Variants in ABCA1 observed in about 807,000 individuals in gnomAD.
ABCA1 encodes phospholipid-transporting ATPase ABCA1.
A neutral mutation model predicts 262.5 loss-of-function variants in ABCA1; 133 were observed. The ratio of observed to expected loss-of-function variants is 0.51; its 90% CI spans 0.44 to 0.59. The LOEUF (loss-of-function observed/expected upper bound fraction) is 0.59. Ranked by LOEUF, ABCA1 falls within the 20% of genes least tolerant of loss-of-function variation. The probability of loss-of-function intolerance (pLI) is 0.00; values close to 1 mark genes in which losing one functional copy is unlikely to be tolerated. For missense variants in ABCA1, 2,452 were observed against 2,777.5 expected, an observed-to-expected ratio of 0.88 and a Z score of 2.63; for synonymous variants, 1,022 against 1,043.5, an observed-to-expected ratio of 0.98 and a Z score of 0.40.
intron 1 of ABCA1, among the ~76,000 whole-genome samples, chr9:104,921,246 T>C (rs531131254): frequency 6.7e-4 from 102 of 152,326 alleles, no homozygotes; most frequent in African/African-American, 2.3e-3. Flanking sequence ...TAAAATGTTT[T>C]GACTTCCAAA....
intron 33 of ABCA1, among the ~76,000 whole-genome samples, chr9:104,802,533 C>T (rs1830428364): frequency 6.6e-6 from 1 of 152,168 alleles, no homozygotes; most frequent in Non-Finnish European, 1.5e-5. Context: ...CCAGAGTAGG[C>T]TGCGCTGGCC....
At chr9:104,800,645 A>C in intron 34 of ABCA1, 61 bp from the exon 35 acceptor site, 1 of 1,489,038 alleles carries the variant, frequency 6.7e-7, no homozygotes, top group Non-Finnish European at 9.4e-7. Flanking sequence ...GGCAACAGTC[A>C]ATCTGGAACC....
intron 27 of ABCA1, among the ~76,000 whole-genome samples, chr9:104,813,144 T>C (rs1433449579): frequency 6.6e-6 from 1 of 152,204 alleles, no homozygotes; most frequent in Non-Finnish European, 1.5e-5. Flanking sequence ...TATATTTTGG[T>C]AAAACGTGGA....
chr9:104,882,983 C>T (rs1838818806), intron 5 of ABCA1, 56 bp downstream of exon 5: 1 of 1,450,024 alleles, frequency 6.9e-7, no homozygotes, highest in African/African-American at 1.4e-5. Context: ...TACTCTCTTT[C>T]CCTGGTGCAG....
chr9:104,806,380 G>A lies in ABCA1; in HGVS notation c.4325C>T (p.Pro1442Leu), dbSNP rs1458069413. 6.2e-7 allele frequency: 1 copy of A among 1,614,158 alleles called. No homozygotes were observed. The highest frequency in any genetic ancestry group is 1.1e-5 in the South Asian group (1 of 91,070). ...GEEEWTTAPV[P>L]QTIMDLFQNG... ...CTGGAAGAGGTCCATGATGGTCTGG[G>A]GAACTGGGGCAGTGGTCCACTCTTC... Residue 1442 changes from proline to leucine, a missense_variant, in exon 31 of 50, where the codon CCC becomes CTC. Around this residue, in one of 4 missense-constraint regions of ABCA1, gnomAD observed 665 missense variants for 727.3 expected, o/e 0.91. Coordinates refer to ENST00000374736, the MANE Select transcript of ABCA1 (RefSeq NM_005502.4).
chr9:104,846,780 C>T (rs1834930949), intron 7 of ABCA1, among the ~76,000 whole-genome samples: 2 of 152,246 alleles, frequency 1.3e-5, no homozygotes, highest in Admixed American at 6.5e-5. Context: ...TCAAAGGGAC[C>T]TACGCGGTCT....
At chr9:104,803,742 G>T (rs1830540330) in intron 32 of ABCA1, among the ~76,000 whole-genome samples, 1 of 152,018 alleles carries the variant, frequency 6.6e-6, no homozygotes, top group African/African-American at 2.4e-5. Context: ...CAAGTAGCTG[G>T]GATTACAGGC....
At chr9:104,832,023 C>T (rs1833383330) in intron 12 of ABCA1, among the ~76,000 whole-genome samples, 196 bp from the exon 13 acceptor site, 1 of 152,152 alleles carries the variant, frequency 6.6e-6, no homozygotes, top group African/African-American at 2.4e-5. Context: ...AAGAGAAATT[C>T]TAAGAGTAAT....
rs1015515837 is a variant in ABCA1, at chr9:104,786,324, A to C, written c.6375T>G (p.Leu2125=). The C allele has an allele frequency of 2.5e-6, 4 of 1,614,024 alleles. No homozygotes were observed. In the African/African-American group the frequency reaches 5.3e-5, roughly 22 times the overall value. The change falls in exon 48 of 50, where the codon CTT becomes CTG. Residue 2125 remains leucine (L), a synonymous_variant. Coordinates refer to ENST00000374736, the MANE Select transcript of ABCA1 (RefSeq NM_005502.4). ...TATTTTTTAGATGCTGGACACTGCC[A>C]AGGCACCTGAACCTTCCATTGACCA... ...AIMVNGRFRC[L]GSVQHLKNRF...
chr9:104,785,672 T>C (rs752856228), intron 48 of ABCA1, 33 bp from the exon 49 acceptor site: 4 of 1,612,702 alleles, frequency 2.5e-6, no homozygotes, highest in Non-Finnish European at 2.5e-6. Context: ...AAATGGAGGA[T>C]CTCCAGAAAA....
chr9:104,922,419 G>A (rs916436848), intron 1 of ABCA1, among the ~76,000 whole-genome samples: 1 of 152,110 alleles, frequency 6.6e-6, no homozygotes, highest in Non-Finnish European at 1.5e-5. Context: ...GTAAACTCAC[G>A]GAAGCCAAAC....
At chr9:104,814,063 A>T in intron 27 of ABCA1, 55 bp downstream of exon 27, 1 of 1,554,996 alleles carries the variant, frequency 6.4e-7, no homozygotes, top group East Asian at 2.2e-5. Context: ...TGAGAGCATG[A>T]GAGAGAATTT....
rs751058284 is a variant in ABCA1 at position 104,822,670 on chromosome 9, G to A, written c.2657-3C>T. ...GGTGGGTTCCTCCTCCATGCAGACT[G>A]TGACAGGAGAGAAGACAGAAATGAA... On this transcript the variant is annotated splice_region_variant and splice_polypyrimidine_tract_variant and intron_variant, in intron 18 of 49. Transcript: ENST00000374736. 1.2e-6 allele frequency: 2 copies of A among 1,613,990 alleles called. No homozygotes were observed. The highest frequency in any genetic ancestry group is 2.2e-5 in the East Asian group (1 of 44,876).
chr9:104,887,166 T>C (rs1484642669), intron 3 of ABCA1, among the ~76,000 whole-genome samples: 1 of 152,076 alleles, frequency 6.6e-6, no homozygotes, highest in Admixed American at 6.6e-5. Context: ...TAGTCTCAGC[T>C]ATTTGGGAGG....
At chr9:104,872,639 G>A (rs538050032) in intron 5 of ABCA1, among the ~76,000 whole-genome samples, 6 of 152,242 alleles carry the variant, frequency 3.9e-5, no homozygotes, top group East Asian at 1.9e-4. Flanking sequence ...ATCATTATCC[G>A]GTGCAACTTA....
At chr9:104,794,110 C>G (rs1336003018) in intron 40 of ABCA1, among the ~76,000 whole-genome samples, 1 of 152,210 alleles carries the variant, frequency 6.6e-6, no homozygotes, top group Non-Finnish European at 1.5e-5. Context: ...CAGACAGTGG[C>G]ATGAGCCAGT....
intron 27 of ABCA1, among the ~76,000 whole-genome samples, chr9:104,813,348 T>C (rs1831446193): frequency 6.6e-6 from 1 of 152,264 alleles, no homozygotes; most frequent in East Asian, 1.9e-4. Flanking sequence ...ATTTGTTTGA[T>C]GTCTTAGCTC....
At position 104,791,941 on chromosome 9, in the gene ABCA1, C is replaced by T. The variant is rs745529788; in HGVS notation, c.5815G>A (p.Gly1939Ser). The stretch of plus-strand genomic sequence containing the variant: ...TATAGACAAAGTGTCTTTACCTCAC[C>T]AGGAGGAATGCCCACGCAAATCCTG... ...VDRICVGIPP[G>S]ECFGLLGVNG... Residue 1939 changes from glycine (G) to serine (S), a missense_variant, in exon 43 of 50, where the codon GGT (glycine) becomes AGT (serine). Around this residue, in one of 4 missense-constraint regions of ABCA1, gnomAD observed 752 missense variants for 944.5 expected, o/e 0.80. Transcript: ENST00000374736. 1 of 1,613,452 alleles carries T rather than the reference C, an allele frequency of 6.2e-7. No homozygotes were observed. The highest frequency in any genetic ancestry group is 1.1e-5 in the South Asian group (1 of 91,022).
At chr9:104,916,810 G>A (rs1841872518) in intron 1 of ABCA1, among the ~76,000 whole-genome samples, 1 of 152,162 alleles carries the variant, frequency 6.6e-6, no homozygotes, top group Admixed American at 6.5e-5. Context: ...CTCCCAAAGT[G>A]CTGTGATTAC....
Sources: gnomAD v4.1 joint callset for allele counts (sites outside exome capture counted in the v4.1 genomes callset) on GRCh38, gnomAD v4.1.1 for gene constraint, gnomAD v4.1.1 regional missense constraint, MANE v1.5 for transcripts, NCBI Gene and HGNC (gene_info 2026-07-23, HGNC 2026-07-21) for gene names.